DSCAML1: variants seen among roughly 807,000 people sequenced by gnomAD.
DSCAML1 encodes cell adhesion molecule DSCAML1.
In DSCAML1, 38 loss-of-function variants were observed where a neutral mutation model predicts 200.5. The ratio of observed to expected loss-of-function variants is 0.19; its 90% CI spans 0.15 to 0.25. DSCAML1 has a LOEUF of 0.25. Among genes scored for constraint, DSCAML1 ranks in the 10% least tolerant of loss-of-function variants. The pLI, the probability that DSCAML1 is intolerant of heterozygous loss-of-function variation, is 1.00. For synonymous variants in DSCAML1, 1,215 were observed against 1,165.0 expected, an observed-to-expected ratio of 1.04 and a Z score of -0.87; for missense variants, 2,223 against 2,858.8, an observed-to-expected ratio of 0.78 and a Z score of 5.07.
At chr11:117,774,027 G>A (rs2055085924) in intron 3 of DSCAML1, among the ~76,000 whole-genome samples, 1 of 152,174 alleles carries the variant, frequency 6.6e-6, no homozygotes, top group African/African-American at 2.4e-5. Context: ...CCAACTACAG[G>A]GGCCGCCTGG....
rs573518692 is a variant in DSCAML1, at chr11:117,447,775, A to G, written c.3708+2774T>C. Among the ~76,000 whole-genome samples the G allele has an allele frequency of 2.6e-5, 4 of 152,324 alleles. No individual in the cohort carries two copies. In the East Asian group the frequency reaches 5.8e-4, roughly 22 times the overall value. On this transcript the variant is annotated intron_variant, in intron 20 of 32. Transcript: ENST00000651296. ...CACACACAGTCTCAGGTATCTGCCTATAATTCCAGGCTCATGCCACAGTTT... is the reference window on the plus strand; with the variant it reads ...CACACACAGTCTCAGGTATCTGCCTGTAATTCCAGGCTCATGCCACAGTTT...
intron 3 of DSCAML1, among the ~76,000 whole-genome samples, chr11:117,579,629 C>G (rs1212571384): frequency 6.6e-6 from 1 of 152,188 alleles, no homozygotes; most frequent in African/African-American, 2.4e-5. Flanking sequence ...GTATGTGGCA[C>G]TGTTTGATAT....
In DSCAML1 at chr11:117,443,651, C is replaced by A. The variant is rs562653994; in HGVS notation, c.3862+235G>T. Reference sequence around the variant, plus strand: ...TTTGGACTCGGGAACTGAGTGCACCCTGTCCACCCGCCCCAGGCAAGAGCC... The same window carrying A: ...TTTGGACTCGGGAACTGAGTGCACCATGTCCACCCGCCCCAGGCAAGAGCC... On this transcript the variant is annotated intron_variant, in intron 21 of 32. Coordinates refer to ENST00000651296, the MANE Select transcript of DSCAML1 (RefSeq NM_020693.4). 2.0e-5 allele frequency among the ~76,000 whole-genome samples: 3 copies of A among 152,340 alleles called. No individual in the cohort carries two copies. The South Asian group carries it at 6.2e-4, about 32-fold the overall frequency.
chr11:117,747,926 C>T (rs993288244), intron 3 of DSCAML1, among the ~76,000 whole-genome samples: 3 of 152,108 alleles, frequency 2.0e-5, no homozygotes, highest in African/African-American at 4.8e-5. Context: ...GAAAGGAGCC[C>T]TCTAATCTTT....
At chr11:117,490,363 A>C (rs1340403812) in intron 11 of DSCAML1, among the ~76,000 whole-genome samples, 1 of 152,118 alleles carries the variant, frequency 6.6e-6, no homozygotes, top group Non-Finnish European at 1.5e-5. Flanking sequence ...TTAAAACACC[A>C]CAAGACAGCT....
intron 3 of DSCAML1, among the ~76,000 whole-genome samples, chr11:117,645,897 T>A (rs897615795): frequency 6.6e-6 from 1 of 151,822 alleles, no homozygotes; most frequent in Non-Finnish European, 1.5e-5. Context: ...ACTTAAAGTA[T>A]AATAATAAAT....
At chr11:117,554,917 A>G (rs1270225668) in intron 3 of DSCAML1, among the ~76,000 whole-genome samples, 1 of 152,162 alleles carries the variant, frequency 6.6e-6, no homozygotes, top group African/African-American at 2.4e-5. Flanking sequence ...TGCAGTTCTA[A>G]TGGAGACAGT....
At chr11:117,686,974 T>A (rs560900274) in intron 3 of DSCAML1, among the ~76,000 whole-genome samples, 1 of 152,310 alleles carries the variant, frequency 6.6e-6, no homozygotes, top group African/African-American at 2.4e-5. Context: ...CTCTTTAGGA[T>A]TATGAGTCTG....
intron 3 of DSCAML1, among the ~76,000 whole-genome samples, chr11:117,716,780 G>A (rs922149884): frequency 3.9e-5 from 6 of 152,066 alleles, no homozygotes; most frequent in Admixed American, 2.0e-4. Context: ...TTCAAATTTC[G>A]GTGCCCATAA....
chr11:117,438,779 G>A (rs10892104), intron 24 of DSCAML1, 106 bp downstream of exon 24: 321,590 of 1,057,082 alleles, frequency 0.3, 57,658 homozygotes, highest in East Asian at 0.8. Context: ...CCCCCAGATC[G>A]TTTCTGTCAT....
intron 3 of DSCAML1, among the ~76,000 whole-genome samples, chr11:117,694,138 C>T (rs2053546074): frequency 6.7e-6 from 1 of 149,772 alleles, no homozygotes; most frequent in Admixed American, 6.7e-5. Flanking sequence ...CACGGTGGCT[C>T]ATGCATATAA....
intron 3 of DSCAML1, among the ~76,000 whole-genome samples, chr11:117,721,879 C>T (rs1478275050): frequency 6.7e-6 from 1 of 150,330 alleles, no homozygotes; most frequent in Non-Finnish European, 1.5e-5. Flanking sequence ...GATCTCGGCT[C>T]ACTGAAGGCT....
At chr11:117,449,161 A>G (rs1282515942) in intron 20 of DSCAML1, among the ~76,000 whole-genome samples, 1 of 152,164 alleles carries the variant, frequency 6.6e-6, no homozygotes, top group Admixed American at 6.5e-5. Flanking sequence ...AAGCAGCACT[A>G]ATCTATGCTA....
Position 117,516,680 on chromosome 11 carries a change from T to A in DSCAML1, c.1570A>T (p.Ile524Phe). 1 of 1,614,078 alleles carries A rather than the reference T, an allele frequency of 6.2e-7. No individual in the cohort carries two copies. The change falls in exon 8 of 33, where the codon ATC (isoleucine) becomes TTC (phenylalanine). Residue 524 changes from isoleucine to phenylalanine, a missense_variant. Physicochemically the swap from Ile to Phe is conservative, Grantham distance 21. This residue lies in a region of DSCAML1 where 212 missense variants were observed against 368.0 expected (regional missense o/e 0.58). Coordinates refer to ENST00000651296, the MANE Select transcript of DSCAML1 (RefSeq NM_020693.4). This position sits in a 1 kb window ranked among gnomAD's most constrained non-coding sequence, Gnocchi z 5.7. ...ITAVAGRDTL[I>F]NCRVIGYPYY... The stretch of plus-strand genomic sequence containing the variant: ...GGATAGCCGATGACCCTGCAGTTGA[T>A]AAGGGTGTCCCGCCCGGCGACTGCT...
chr11:117,433,102 C>T, intron 29 of DSCAML1, 36 bp downstream of exon 29: 1 of 1,582,972 alleles, frequency 6.3e-7, no homozygotes, highest in Non-Finnish European at 8.7e-7. Context: ...GAAGCACACC[C>T]AGCAGGACAG....
intron 1 of DSCAML1, among the ~76,000 whole-genome samples, chr11:117,815,261 C>T (rs1423333628): frequency 6.6e-6 from 1 of 152,210 alleles, no homozygotes; most frequent in Non-Finnish European, 1.5e-5. Flanking sequence ...CCTGAAAAGT[C>T]ACAGCTCCTT....
At chr11:117,732,322 C>T (rs1215244622) in intron 3 of DSCAML1, among the ~76,000 whole-genome samples, 1 of 152,138 alleles carries the variant, frequency 6.6e-6, no homozygotes, top group East Asian at 1.9e-4. Context: ...AGGATTGCAC[C>T]AACAGTGATG....
Position 117,720,467 on chromosome 11 carries a change from C to T in DSCAML1, c.511+56324G>A, listed in dbSNP as rs144669911. Among the ~76,000 whole-genome samples, 1,077 of 152,322 alleles carry T rather than the reference C, an allele frequency of 7.1e-3. 7 individuals are homozygous for T. Among genetic ancestry groups the T allele is most frequent in the Middle Eastern group, 0.038 (11 of 292 alleles). ...TCATGAGAGGCGAGCCCCAGCCTCC[C>T]GGCCTTTGGAGCTGGCTCCAAGAGC... On this transcript the variant is annotated intron_variant, in intron 3 of 32. Transcript: ENST00000651296.
intron 3 of DSCAML1, among the ~76,000 whole-genome samples, chr11:117,688,589 G>C (rs932525954): frequency 6.6e-6 from 1 of 152,170 alleles, no homozygotes; most frequent in Non-Finnish European, 1.5e-5. Flanking sequence ...ATGGGATTTT[G>C]GGCTGGGCTC....
Sources: gnomAD v4.1 joint callset for allele counts (sites outside exome capture counted in the v4.1 genomes callset) on GRCh38, gnomAD v4.1.1 for gene constraint, gnomAD v4.1.1 regional missense constraint, Gnocchi (gnomAD v3.1) non-coding constraint, MANE v1.5 for transcripts, NCBI Gene and HGNC (gene_info 2026-07-23, HGNC 2026-07-21) for gene names.